NRXN1: variants seen among roughly 807,000 people sequenced by gnomAD.
NRXN1 encodes neurexin-1.
In NRXN1, 39 loss-of-function variants were observed where a neutral mutation model predicts 150.9. The ratio of observed to expected loss-of-function variants is 0.26; its 90% CI spans 0.20 to 0.34. The LOEUF is 0.34. Among genes scored for constraint, NRXN1 ranks in the 10% least tolerant of loss-of-function variants. The pLI, the probability that NRXN1 is intolerant of heterozygous loss-of-function variation, is 1.00. For synonymous variants in NRXN1, 924 were observed against 757.0 expected (o/e 1.22, Z -3.62); for missense variants, 1,815 against 1,949.9 (o/e 0.93, Z 1.30).
intron 17 of NRXN1, among the ~76,000 whole-genome samples, chr2:50,308,387 T>C (rs998675024): frequency 1.3e-5 from 2 of 152,182 alleles, no homozygotes; most frequent in African/African-American, 4.8e-5. Flanking sequence ...TGGAGTGCAG[T>C]GGTGCTCCTT....
chr2:50,139,324 CAAAAAAAAAAAAA>C (rs35142652), intron 18 of NRXN1, among the ~76,000 whole-genome samples: 3 of 77,402 alleles, frequency 3.9e-5, no homozygotes, highest in Non-Finnish European at 7.7e-5. Flanking sequence ...GACTTGGTAT[CAAAAAAAAAAAAA>C]AAAAAAAAAG....
At chr2:50,187,165 G>A (rs183861490) in intron 18 of NRXN1, among the ~76,000 whole-genome samples, 12 of 151,928 alleles carry the variant, frequency 7.9e-5, no homozygotes, top group South Asian at 6.2e-4. Context: ...ATAGCATAAA[G>A]GAGTTCAGAA....
intron 8 of NRXN1, among the ~76,000 whole-genome samples, chr2:50,610,410 C>G (rs1379243021): frequency 6.6e-6 from 1 of 151,540 alleles, no homozygotes; most frequent in Non-Finnish European, 1.5e-5. Context: ...GAGAGACAAA[C>G]TCAGATTACT....
chr2:50,761,979 CT>C (rs1037672974), intron 5 of NRXN1, among the ~76,000 whole-genome samples: 1 of 151,856 alleles, frequency 6.6e-6, no homozygotes, highest in Non-Finnish European at 1.5e-5. Context: ...GAACGTTGCA[CT>C]GTTGGCTTCC....
chr2:50,596,930 G>A (rs1033383530), intron 8 of NRXN1, among the ~76,000 whole-genome samples: 5 of 133,962 alleles, frequency 3.7e-5, no homozygotes, highest in African/African-American at 1.1e-4. Context: ...ACTGTGGCAC[G>A]ATCACAGTGC....
chr2:50,202,744 G>T (rs1172162223), intron 18 of NRXN1, among the ~76,000 whole-genome samples: 2 of 152,116 alleles, frequency 1.3e-5, no homozygotes, highest in Admixed American at 6.6e-5. Context: ...AGACCAAATA[G>T]CTTCAACATT....
intron 17 of NRXN1, among the ~76,000 whole-genome samples, chr2:50,257,866 AT>A (rs1445559540): frequency 6.7e-6 from 1 of 149,616 alleles, no homozygotes; most frequent in Admixed American, 6.8e-5. Context: ...AAAAATTTAA[AT>A]TTTTTATTGA....
intron 8 of NRXN1, among the ~76,000 whole-genome samples, chr2:50,584,617 T>C (rs1404177420): frequency 2.0e-5 from 3 of 152,196 alleles, no homozygotes; most frequent in Non-Finnish European, 2.9e-5. Flanking sequence ...CTTAGCAAAG[T>C]GCAAGTGGTG....
intron 22 of NRXN1, among the ~76,000 whole-genome samples, chr2:49,923,797 G>T (rs1287845238): frequency 1.3e-5 from 2 of 152,056 alleles, no homozygotes; most frequent in African/African-American, 4.8e-5. Flanking sequence ...CATTTCCAAA[G>T]TAGTAGCTCT....
intron 17 of NRXN1, among the ~76,000 whole-genome samples, chr2:50,301,757 C>T (rs923261609): frequency 6.6e-6 from 1 of 152,154 alleles, no homozygotes; most frequent in Non-Finnish European, 1.5e-5. Flanking sequence ...CACAGATGAA[C>T]AGCATGAAGA....
At chr2:50,649,265 C>CAT (rs770421183) in intron 5 of NRXN1, among the ~76,000 whole-genome samples, 1 of 132,964 alleles carries the variant, frequency 7.5e-6, no homozygotes, top group African/African-American at 2.6e-5. Flanking sequence ...CACATACACA[C>CAT]ACACACACAC....
At chr2:50,412,490 A>T (rs1301554457) in intron 17 of NRXN1, among the ~76,000 whole-genome samples, 2 of 152,044 alleles carry the variant, frequency 1.3e-5, no homozygotes, top group African/African-American at 4.8e-5. Context: ...TATTGCCTTC[A>T]TTTTTAATTT....
At chr2:50,738,257 G>A (rs542065408) in intron 5 of NRXN1, among the ~76,000 whole-genome samples, 1 of 152,262 alleles carries the variant, frequency 6.6e-6, no homozygotes, top group South Asian at 2.1e-4. Context: ...TCTCATTAAT[G>A]ACACTGCATC....
At chr2:50,527,711 T>C (rs1374845471) in intron 12 of NRXN1, among the ~76,000 whole-genome samples, 2 of 152,160 alleles carry the variant, frequency 1.3e-5, no homozygotes, top group African/African-American at 4.8e-5. Context: ...TTATTGCCAC[T>C]TGAAAACATG....
At chr2:50,463,959 T>C (rs1339995371) in intron 17 of NRXN1, 1 of 151,596 alleles carries the variant, frequency 6.6e-6, no homozygotes, top group African/African-American at 2.4e-5. Context: ...TGATTGTCCT[T>C]GAAAATAAAT....
At chr2:50,216,948 A>G (rs2063443788) in intron 18 of NRXN1, among the ~76,000 whole-genome samples, 1 of 152,074 alleles carries the variant, frequency 6.6e-6, no homozygotes, top group Admixed American at 6.6e-5. Context: ...CTGTGATAGA[A>G]CCTATTTAAT....
chr2:50,615,233 G>C (rs1678877164), intron 8 of NRXN1: 1 of 151,946 alleles, frequency 6.6e-6, no homozygotes, highest in African/African-American at 2.4e-5. Context: ...TACTTCCTTA[G>C]GCTTAATCTG....
At chr2:50,341,692 T>C (rs748283438) in intron 17 of NRXN1, among the ~76,000 whole-genome samples, 32 of 152,226 alleles carry the variant, frequency 2.1e-4, no homozygotes, top group Non-Finnish European at 3.2e-4. Context: ...ACAAGACTTA[T>C]ATCTGTTCGA....
chr2:50,305,747 C>A (rs1009896155), intron 17 of NRXN1, among the ~76,000 whole-genome samples: 2 of 152,152 alleles, frequency 1.3e-5, no homozygotes, highest in Admixed American at 6.5e-5. Flanking sequence ...TCCAAAAATT[C>A]AAATTGCTTT....
Sources: gnomAD v4.1 joint callset for allele counts (sites outside exome capture counted in the v4.1 genomes callset) on GRCh38, gnomAD v4.1.1 for gene constraint, MANE v1.5 for transcripts, NCBI Gene and HGNC (gene_info 2026-07-23, HGNC 2026-07-21) for gene names.